LTN1: variants seen among roughly 807,000 people sequenced by gnomAD.
LTN1 encodes E3 ubiquitin-protein ligase listerin.
LTN1 carries 88 observed loss-of-function variants against 201.2 expected under a neutral mutation model. The observed-to-expected ratio is 0.44, with a 90% CI of 0.37 to 0.52. The LOEUF (loss-of-function observed/expected upper bound fraction) is 0.52. LTN1 is among the 20% of genes least tolerant of loss of function. LTN1 has a pLI of 0.00. For missense variants in LTN1, 1,752 were observed against 2,038.7 expected (o/e 0.86, Z 2.71); for synonymous variants, 645 against 713.5 (o/e 0.90, Z 1.53).
chr21:28,941,305 G>A lies in LTN1; in HGVS notation c.4397C>T (p.Pro1466Leu). The A allele has an allele frequency of 2.5e-6, 4 of 1,612,598 alleles. No individual in the cohort carries two copies. The highest frequency in any genetic ancestry group is 3.4e-6 in the Non-Finnish European group (4 of 1,178,884). Residue 1466 changes from proline to leucine, a missense_variant, in exon 25 of 30, where the codon CCA becomes CTA. Pro to Leu is a moderately conservative substitution (Grantham distance 98, BLOSUM62 -3). This residue lies in a region of LTN1 where 1,211 missense variants were observed against 1,312.8 expected (regional missense o/e 0.92). Transcript: ENST00000361371. ...IPVGQIVTIK[P>L]LSEDFCYVLG... is the part of the protein sequence containing the mutation. ...AACATAACAGAAGTCTTCACTCAGT[G>A]GTTTAATAGTAACTATCTGTCCAAC...
At chr21:28,953,912 G>A (rs565180551) in intron 16 of LTN1, among the ~76,000 whole-genome samples, 1 of 152,242 alleles carries the variant, frequency 6.6e-6, no homozygotes, top group South Asian at 2.1e-4. Flanking sequence ...AAATGGCCAA[G>A]TATCTATCAT....
At chr21:28,943,178 T>C (rs1196360428) in intron 24 of LTN1, 84 bp downstream of exon 24, 1 of 731,428 alleles carries the variant, frequency 1.4e-6, no homozygotes, top group Non-Finnish European at 2.3e-6. Flanking sequence ...CTATAGCTTC[T>C]GTGCTGCTTC....
rs776153675 is a variant in LTN1, at chr21:28,941,330, C to T, written c.4372G>A (p.Val1458Ile). The T allele has an allele frequency of 6.2e-6, 10 of 1,613,328 alleles. No individual in the cohort carries two copies. Among genetic ancestry groups the T allele is most frequent in the Middle Eastern group, 3.3e-4 (2 of 6,076 alleles). ...LLENVLGCIP[V>I]GQIVTIKPLS... The stretch of plus-strand genomic sequence containing the variant: ...GGTTTAATAGTAACTATCTGTCCAA[C>T]AGGAATACACCCCAAAACATTTTCT... The change falls in exon 25 of 30, where the codon GTT (valine) becomes ATT (isoleucine). Residue 1458 changes from valine to isoleucine, a missense_variant. By Grantham distance (29) the Val-to-Ile change is conservative. Transcript: ENST00000361371.
Position 28,932,454 on chromosome 21 carries a change from G to T in LTN1, c.5070+16C>A. 6.2e-7 allele frequency: 1 copy of T among 1,606,506 alleles called. No homozygotes were observed. The highest frequency in any genetic ancestry group is 8.5e-7 in the Non-Finnish European group (1 of 1,176,602). On this transcript the variant is annotated intron_variant, in intron 28 of 29. Transcript: ENST00000361371. ...TTTCCAAGTTTGTAAAGCCAAATGT[G>T]TAAACAGAAACTTACCTGATGGGTG...
At chr21:28,985,046 C>T (rs1394987661) in intron 3 of LTN1, 124 bp from the exon 4 acceptor site, 1 of 592,804 alleles carries the variant, frequency 1.7e-6, no homozygotes, top group Admixed American at 3.4e-5. Context: ...AAACTGAAAT[C>T]ATTTTTTTTA....
chr21:28,970,480 G>C, intron 8 of LTN1, 72 bp downstream of exon 8: 1 of 994,352 alleles, frequency 1.0e-6, no homozygotes, highest in African/African-American at 1.7e-5. Flanking sequence ...AGAAATTTAA[G>C]TAAGAAAGAA....
At chr21:28,938,340 A>AGTTTTTCTGATC (rs554906173) in intron 25 of LTN1, among the ~76,000 whole-genome samples, 136 of 152,346 alleles carry the variant, frequency 8.9e-4, no homozygotes, top group African/African-American at 3.1e-3. Context: ...TTTCAAGTAG[A>AGTTTTTCTGATC]TCAGCAGAAA....
chr21:28,965,721 AG>A (rs2084515870), intron 11 of LTN1, 143 bp downstream of exon 11: 4 of 551,246 alleles, frequency 7.3e-6, no homozygotes, highest in Non-Finnish European at 1.3e-5. Flanking sequence ...CCCACATTAT[AG>A]GAAGAAAGTT....
chr21:28,959,163 A>G (rs1237656370), intron 13 of LTN1, among the ~76,000 whole-genome samples: 1 of 152,264 alleles, frequency 6.6e-6, no homozygotes, highest in Non-Finnish European at 1.5e-5. Flanking sequence ...AAACTAAGAC[A>G]TCAAGAAATT....
rs1041902824 is a variant in LTN1, at chr21:28,986,626, C to A, written c.246+105G>T. ...AGAAAAAAGTACAATTATAAAAGAA[C>A]TTAGCAATAAATTGTTCATTTTTCT... On this transcript the variant is annotated intron_variant, in intron 2 of 29. Coordinates refer to ENST00000361371, the MANE Select transcript of LTN1 (RefSeq NM_015565.3). This position sits in a 1 kb window ranked among gnomAD's most constrained non-coding sequence, Gnocchi z 4.1. 2.3e-5 allele frequency: 19 copies of A among 824,654 alleles called. No homozygotes were observed. The highest frequency in any genetic ancestry group is 3.5e-5 in the Non-Finnish European group (18 of 519,802). 51.1% of individuals were successfully genotyped at this position (824,654 alleles called of 1,614,324 possible). A position where few individuals can be genotyped will look rare whatever the true frequency, so the allele number is the denominator to read the frequency against.
intron 4 of LTN1, among the ~76,000 whole-genome samples, chr21:28,983,945 GA>G (rs1238994112): frequency 6.6e-6 from 1 of 152,168 alleles, no homozygotes; most frequent in Non-Finnish European, 1.5e-5. Context: ...GACACTACTA[GA>G]AACAGACACA....
chr21:28,975,503 G>C (rs1254962686), intron 6 of LTN1, among the ~76,000 whole-genome samples: 1 of 152,130 alleles, frequency 6.6e-6, no homozygotes, highest in African/African-American at 2.4e-5. Context: ...AATATATTAG[G>C]GTTTGCAGGC....
rs1170396811 is a variant in LTN1 at position 28,931,285 on chromosome 21, T to C, written c.5108A>G (p.Asn1703Ser). Residue 1703 changes from asparagine (N) to serine (S), a missense_variant, in exon 29 of 30, where the codon AAT (asparagine) becomes AGT (serine). Physicochemically the swap from Asn to Ser is conservative, Grantham distance 46 (BLOSUM62 1). Coordinates refer to ENST00000361371, the MANE Select transcript of LTN1 (RefSeq NM_015565.3). ...ACCCTCAAAACGTTTGTCTACGTTA[T>C]TTTTCCATAAAGCTAAGCCTTCCAT... is the stretch of plus-strand genomic sequence containing the variant. ...SIMEGLALWK[N>S]NVDKRFEGVE... 2 of 1,611,860 alleles carry C rather than the reference T, an allele frequency of 1.2e-6. No individual in the cohort carries two copies. The highest frequency in any genetic ancestry group is 3.3e-5 in the Admixed American group (2 of 59,858).
rs769315894 is a variant in LTN1 at position 28,960,713 on chromosome 21, C to T, written c.2164-7G>A. ...TATCTGAACTAGGACATGCCTAAAA[C>T]CATAAAATTAAAGCAAAGATTAACA... is the stretch of plus-strand genomic sequence containing the variant. On this transcript the variant is annotated splice_polypyrimidine_tract_variant and splice_region_variant and intron_variant, in intron 11 of 29. Transcript: ENST00000361371. The T allele has an allele frequency of 3.7e-6, 6 of 1,601,084 alleles. No individual in the cohort carries two copies. Among genetic ancestry groups the T allele is most frequent in the Non-Finnish European group, 5.1e-6 (6 of 1,171,560 alleles).
In LTN1 at chr21:28,975,915, G is replaced by A. The variant is rs149082221; in HGVS notation, c.811-4471C>T. ...CTGTACAAAACTAAACAATAAAATG[G>A]ACTGCTGATATATGCAACAACATGA... On this transcript the variant is annotated intron_variant, in intron 6 of 29. Coordinates refer to ENST00000361371, the MANE Select transcript of LTN1 (RefSeq NM_015565.3). 2.7e-4 allele frequency among the ~76,000 whole-genome samples: 41 copies of A among 152,168 alleles called. No homozygotes were observed. The East Asian group carries it at 6.7e-3, about 25-fold the overall frequency.
chr21:28,950,613 T>C (rs1333966381), intron 18 of LTN1, among the ~76,000 whole-genome samples: 1 of 152,088 alleles, frequency 6.6e-6, no homozygotes, highest in South Asian at 2.1e-4. Flanking sequence ...CCTCCTGAGC[T>C]CAAGTGATCC....
In LTN1 at chr21:28,945,924, T is replaced by G. The variant is rs190263799; in HGVS notation, c.3651A>C (p.Val1217=). ...GGATTATTTCTATATTTACACCCAGTACCTCTGGACTTGCTTCTGATAGAT... is the reference window on the plus strand; with the variant it reads ...GGATTATTTCTATATTTACACCCAGGACCTCTGGACTTGCTTCTGATAGAT... The part of the protein sequence containing the change: ...SCNLSEASPE[V]LGVNIEIIRF... The change falls in exon 21 of 30, where the codon GTA becomes GTC. Residue 1217 remains valine, a synonymous_variant. Transcript: ENST00000361371. 2.6e-4 allele frequency: 420 copies of G among 1,612,972 alleles called. No homozygotes were observed. Among genetic ancestry groups the G allele is most frequent in the Non-Finnish European group, 3.4e-4 (404 of 1,179,288 alleles).
At chr21:28,951,961 C>A (rs1384642390) in intron 18 of LTN1, among the ~76,000 whole-genome samples, 199 bp downstream of exon 18, 3 of 152,058 alleles carry the variant, frequency 2.0e-5, no homozygotes, top group Non-Finnish European at 2.9e-5. Context: ...CAGAGTGAGA[C>A]CCTGTCTCAA....
chr21:28,945,049 G>A (rs948463040), intron 21 of LTN1, among the ~76,000 whole-genome samples: 1 of 151,922 alleles, frequency 6.6e-6, no homozygotes, highest in Non-Finnish European at 1.5e-5. Flanking sequence ...TGGTGAAACC[G>A]CATCTCTACC....
Sources: allele counts gnomAD v4.1 joint callset (sites outside exome capture counted in the v4.1 genomes callset), GRCh38; gene constraint gnomAD v4.1.1; regional missense constraint gnomAD v4.1.1; non-coding constraint Gnocchi (gnomAD v3.1); transcripts MANE v1.5; gene names NCBI Gene and HGNC (gene_info 2026-07-23, HGNC 2026-07-21).